LAMA5: variants seen among roughly 807,000 people sequenced by gnomAD.
LAMA5 encodes laminin subunit alpha-5.
LAMA5 carries 260 observed loss-of-function variants against 433.4 expected under a neutral mutation model. The ratio of observed to expected loss-of-function variants is 0.60; its 90% CI spans 0.54 to 0.66. The LOEUF is 0.66. Ranked by LOEUF, LAMA5 falls within the 30% of genes least tolerant of loss-of-function variation. The pLI is 0.00. For synonymous variants in LAMA5, 2,620 were observed against 2,226.6 expected, an observed-to-expected ratio of 1.18 and a Z score of -4.97; for missense variants, 5,378 against 5,258.5, an observed-to-expected ratio of 1.02 and a Z score of -0.70.
At position 62,345,884 on chromosome 20, in the gene LAMA5, G is replaced by C; in HGVS notation, c.1418-7C>G. 6.4e-7 allele frequency: 1 copy of C among 1,555,106 alleles called. No homozygotes were observed. Among genetic ancestry groups the C allele is most frequent in the African/African-American group, 1.4e-5 (1 of 73,420 alleles). ...TTGGAGGACGAGGGCGTCGCTGAGG[G>C]GAAGAGACACGCATGTTGGCCAGGT... On this transcript the variant is annotated splice_region_variant and splice_polypyrimidine_tract_variant and intron_variant, in intron 10 of 79. Transcript: ENST00000252999.
chr20:62,351,661 G>A (rs1555884056), intron 6 of LAMA5, 43 bp downstream of exon 6: 10 of 1,580,396 alleles, frequency 6.3e-6, no homozygotes, highest in Non-Finnish European at 6.9e-6. Flanking sequence ...GGGAGCTGGG[G>A]GGGGCCTCAC....
intron 6 of LAMA5, 64 bp from the exon 7 acceptor site, chr20:62,347,092 C>T (rs1320827280): frequency 3.1e-6 from 4 of 1,310,400 alleles, no homozygotes; most frequent in Non-Finnish European, 4.3e-6. Context: ...TGCTCAGTCC[C>T]TTCCCTGAAG....
chr20:62,311,776 A>T lies in LAMA5; in HGVS notation c.9644T>A (p.Leu3215Gln), dbSNP rs1256392869. 1 of 1,559,968 alleles carries T rather than the reference A, an allele frequency of 6.4e-7. No individual in the cohort carries two copies. Reference sequence around the variant, plus strand: ...CTGCTGGAGCTGGTCATCGACATACAGCCAGACTCTGGGGGGCGGGAGGCC... The same window carrying T: ...CTGCTGGAGCTGGTCATCGACATACTGCCAGACTCTGGGGGGCGGGAGGCC... Reference protein sequence around the residue: ...AFYSNATGVWLYVDDQLQQMK... With the variant: ...AFYSNATGVWQYVDDQLQQMK... Residue 3215 changes from leucine to glutamine, a missense_variant, in exon 71 of 80, where the codon CTG becomes CAG. Transcript: ENST00000252999.
At chr20:62,322,483 C>T (rs561927332) in intron 46 of LAMA5, 34 bp from the exon 47 acceptor site, 21 of 1,549,392 alleles carry the variant, frequency 1.4e-5, no homozygotes, top group South Asian at 3.6e-5. Context: ...CCTGCCCAGC[C>T]CTCAAGACTG....
rs558221619 is a variant in LAMA5 at position 62,353,036 on chromosome 20, G to T, written c.568+98C>A. The T allele has an allele frequency of 1.0e-4, 85 of 839,368 alleles. No individual in the cohort carries two copies. The African/African-American group carries it at 1.4e-3, about 14-fold the overall frequency. 52.0% of individuals were successfully genotyped at this position (839,368 alleles called of 1,614,324 possible). A position where few individuals can be genotyped will look rare whatever the true frequency, so the allele number is the denominator to read the frequency against. On this transcript the variant is annotated intron_variant, in intron 3 of 79. Transcript: ENST00000252999. ...CCGCAGCAGCCGGGTGTGAGGGCAGGGCTGGGTATTCGGAGACCTTCAGAA... is the reference window on the plus strand; with the variant it reads ...CCGCAGCAGCCGGGTGTGAGGGCAGTGCTGGGTATTCGGAGACCTTCAGAA...
chr20:62,335,955 T>C (rs1490932919), intron 18 of LAMA5, among the ~76,000 whole-genome samples: 2 of 101,268 alleles, frequency 2.0e-5, no homozygotes, highest in African/African-American at 3.9e-5. Context: ...CACTCATGGG[T>C]GCCATCCCCT....
At chr20:62,313,525 G>A (rs1986557203) in intron 63 of LAMA5, 65 bp from the exon 64 acceptor site, 1 of 1,559,356 alleles carries the variant, frequency 6.4e-7, no homozygotes, top group Non-Finnish European at 8.7e-7. Flanking sequence ...ATGGACCAAG[G>A]GGACTTCAGA....
At chr20:62,351,865 AC>A (rs773903409) in intron 5 of LAMA5, 43 bp downstream of exon 5, 192 of 1,574,488 alleles carry the variant, frequency 1.2e-4, no homozygotes, top group Non-Finnish European at 1.5e-4. Flanking sequence ...TCCCGGGTCC[AC>A]CCGGCCAGTC....
rs929739205 is a variant in LAMA5, at chr20:62,317,657, C to T, written c.7356+5G>A. 4 of 1,566,358 alleles carry T rather than the reference C, an allele frequency of 2.6e-6. No homozygotes were observed. The African/African-American group carries it at 4.1e-5, about 16-fold the overall frequency. On this transcript the variant is annotated splice_donor_5th_base_variant and intron_variant, in intron 54 of 79. Transcript: ENST00000252999. The stretch of plus-strand genomic sequence containing the variant: ...GTGGCGACAGGGGCCAGGGGCTGCA[C>T]TCACCTCCTTAGCCTGGTCCAGGCT...
chr20:62,312,420 C>G lies in LAMA5; in HGVS notation c.9340G>C (p.Gly3114Arg). The G allele has an allele frequency of 6.3e-7, 1 of 1,597,784 alleles. No individual in the cohort carries two copies. ...CTCACCAGCAGGTCGGCGGTGCAGCCGGCGCTCACGCCTGTCGTGTTCAGC... is the reference window on the plus strand; with the variant it reads ...CTCACCAGCAGGTCGGCGGTGCAGCGGGCGCTCACGCCTGTCGTGTTCAGC... Reference protein sequence around the residue: ...KRLNTTGVSAGCTADLLVGRA... With the variant: ...KRLNTTGVSARCTADLLVGRA... Residue 3114 changes from glycine (G) to arginine (R), a missense_variant, in exon 68 of 80, where the codon GGC becomes CGC. Coordinates refer to ENST00000252999, the MANE Select transcript of LAMA5 (RefSeq NM_005560.6).
Position 62,314,628 on chromosome 20 carries a change from T to G in LAMA5, c.8294A>C (p.Tyr2765Ser), listed in dbSNP as rs1986730829. ...AGGCTCAGGCTCTGGGCCCTGCAGG[T>G]AGAACTTGAGGGCAGTGTAGGCAGC... ...DLAAYTALKF[Y>S]LQGPEPEPGQ... The change falls in exon 61 of 80, where the codon TAC becomes TCC. Residue 2765 changes from tyrosine to serine, a missense_variant. Transcript: ENST00000252999. 6.2e-7 allele frequency: 1 copy of G among 1,612,326 alleles called. No homozygotes were observed. Among genetic ancestry groups the G allele is most frequent in the African/African-American group, 1.3e-5 (1 of 74,846 alleles).
intron 9 of LAMA5, 24 bp downstream of exon 9, chr20:62,346,482 A>G: frequency 6.5e-7 from 1 of 1,546,722 alleles, no homozygotes; most frequent in Non-Finnish European, 8.7e-7. Context: ...GACCCAGGAC[A>G]CCCGCCCAGC....
At chr20:62,332,739 G>A (rs985028501) in intron 26 of LAMA5, 22 bp from the exon 27 acceptor site, 23 of 1,606,936 alleles carry the variant, frequency 1.4e-5, no homozygotes, top group Middle Eastern at 1.7e-4. Context: ...GCAGGGTGAC[G>A]GGAGGCCCGC....
At chr20:62,362,325 T>C (rs1986225438) in intron 2 of LAMA5, 75 bp downstream of exon 2, 2 of 1,339,240 alleles carry the variant, frequency 1.5e-6, no homozygotes, top group Admixed American at 6.7e-5. Context: ...CGCCTTCTGG[T>C]CCTGTGGCCC....
rs766010815 is a variant in LAMA5, at chr20:62,312,437, G to C, written c.9323C>G (p.Thr3108Arg). 1 of 1,597,998 alleles carries C rather than the reference G, an allele frequency of 6.3e-7. No individual in the cohort carries two copies. Among genetic ancestry groups the C allele is most frequent in the East Asian group, 2.2e-5 (1 of 44,844 alleles). Reference protein sequence around the residue: ...GKYVDLKRLNTTGVSAGCTAD... With the variant: ...GKYVDLKRLNRTGVSAGCTAD... The stretch of plus-strand genomic sequence containing the variant: ...GGTGCAGCCGGCGCTCACGCCTGTC[G>C]TGTTCAGCCGCTTGAGGTCCACATA... Residue 3108 changes from threonine (T) to arginine (R), a missense_variant, in exon 68 of 80, where the codon ACG (threonine) becomes AGG (arginine). Coordinates refer to ENST00000252999, the MANE Select transcript of LAMA5 (RefSeq NM_005560.6).
At chr20:62,314,240 G>A in intron 62 of LAMA5, 64 bp downstream of exon 62, 4 of 1,562,328 alleles carry the variant, frequency 2.6e-6, no homozygotes, top group Non-Finnish European at 2.6e-6. Context: ...GGAGAGGGGA[G>A]AGATGGCGAA....
intron 75 of LAMA5, 41 bp downstream of exon 75, chr20:62,310,624 C>G (rs947079395): frequency 3.4e-5 from 54 of 1,588,634 alleles, no homozygotes; most frequent in Non-Finnish European, 4.5e-5. Context: ...TGAAAGGGAA[C>G]AGTGGGTGGG....
At position 62,346,932 on chromosome 20, in the gene LAMA5, G is replaced by A. The variant is rs1465051125; in HGVS notation, c.1053C>T (p.Asn351=). The A allele has an allele frequency of 2.5e-6, 4 of 1,612,978 alleles. No homozygotes were observed. Among genetic ancestry groups the A allele is most frequent in the Non-Finnish European group, 3.4e-6 (4 of 1,179,922 alleles). ...NQQPWKPATA[N]SANECQSCNC... is the part of the protein sequence containing the mutation. Reference sequence around the variant, plus strand: ...ACTCACACTGGCACTCGTTGGCACTGTTGGCAGTCGCAGGCTTCCACGGCT... The same window carrying A: ...ACTCACACTGGCACTCGTTGGCACTATTGGCAGTCGCAGGCTTCCACGGCT... Residue 351 remains asparagine (N), a synonymous_variant, in exon 7 of 80, where the codon AAC becomes AAT. Coordinates refer to ENST00000252999, the MANE Select transcript of LAMA5 (RefSeq NM_005560.6).
chr20:62,332,268 G>A (rs755041897), intron 28 of LAMA5, 104 bp downstream of exon 28: 54 of 802,338 alleles, frequency 6.7e-5, no homozygotes, highest in Middle Eastern at 2.6e-4. Context: ...GAGTGTGGCC[G>A]CCTTGGGGAC....
Sources: allele counts gnomAD v4.1 joint callset (sites outside exome capture counted in the v4.1 genomes callset), GRCh38; gene constraint gnomAD v4.1.1; transcripts MANE v1.5; gene names NCBI Gene and HGNC (gene_info 2026-07-23, HGNC 2026-07-21).